Variants in ABI2 observed in about 807,000 individuals in gnomAD.
The protein encoded by ABI2 is abelson interactor 2.
In ABI2, 25 loss-of-function variants were observed where a neutral mutation model predicts 59.2. The ratio of observed to expected loss-of-function variants is 0.42; its 90% CI spans 0.31 to 0.59. ABI2 has a LOEUF of 0.59. Among genes scored for constraint, ABI2 ranks in the 20% least tolerant of loss-of-function variants. ABI2 has a pLI of 0.14. For missense variants in ABI2, 545 were observed against 681.8 expected, an observed-to-expected ratio of 0.80 and a Z score of 2.23; for synonymous variants, 213 against 235.5, an observed-to-expected ratio of 0.90 and a Z score of 0.87.
intron 1 of ABI2, among the ~76,000 whole-genome samples, chr2:203,334,877 T>C (rs62183940): frequency 0.46 from 69,231 of 151,882 alleles, 17,608 homozygotes; most frequent in Middle Eastern, 0.7. Context: ...GCCAGGCTGG[T>C]CTCGAGATCC....
intron 9 of ABI2, among the ~76,000 whole-genome samples, chr2:203,409,199 A>G (rs1270590921): frequency 2.0e-5 from 3 of 152,096 alleles, no homozygotes; most frequent in African/African-American, 7.2e-5. Flanking sequence ...TGAACATATC[A>G]ACAGTTGTTG....
intron 4 of ABI2, among the ~76,000 whole-genome samples, chr2:203,386,207 A>G (rs2153234256): frequency 2.0e-5 from 3 of 152,248 alleles, no homozygotes; most frequent in Middle Eastern, 3.4e-3. Context: ...GACTGACCTC[A>G]CTTTTTTCCC....
intron 2 of ABI2, chr2:203,376,202 A>C: frequency 8.3e-7 from 1 of 1,205,328 alleles, no homozygotes; most frequent in Non-Finnish European, 1.1e-6. Flanking sequence ...TTTGCCCCCA[A>C]GGGGACATTT....
At chr2:203,369,913 ATT>A (rs11325262) in intron 2 of ABI2, among the ~76,000 whole-genome samples, 143 of 150,946 alleles carry the variant, frequency 9.5e-4, no homozygotes, top group Middle Eastern at 3.4e-3. Flanking sequence ...AAGGATTGAA[ATT>A]TTTTTTTTTT....
intron 1 of ABI2, among the ~76,000 whole-genome samples, chr2:203,347,163 G>T (rs4315500): frequency 0.74 from 112,117 of 151,968 alleles, 42,485 homozygotes; most frequent in Middle Eastern, 0.87. Context: ...AACAGGGTAA[G>T]GAGTGATCAT....
At chr2:203,363,046 G>T (rs1394237144) in intron 1 of ABI2, among the ~76,000 whole-genome samples, 2 of 152,034 alleles carry the variant, frequency 1.3e-5, no homozygotes, top group Admixed American at 6.6e-5. Context: ...GGCCAGGCTG[G>T]TCTTGAACTC....
At chr2:203,403,752 T>TTG (rs1490573724) in intron 9 of ABI2, among the ~76,000 whole-genome samples, 1 of 145,478 alleles carries the variant, frequency 6.9e-6, no homozygotes, top group Non-Finnish European at 1.5e-5. Context: ...GTTTTTTTTT[T>TTG]TTTTTTTTTT....
At chr2:203,401,664 T>G (rs1390379355) in intron 8 of ABI2, among the ~76,000 whole-genome samples, 1 of 152,228 alleles carries the variant, frequency 6.6e-6, no homozygotes, top group Non-Finnish European at 1.5e-5. Context: ...ATCTTAATTT[T>G]TTTCATGATT....
At chr2:203,385,053 T>C (rs1160106697) in intron 4 of ABI2, among the ~76,000 whole-genome samples, 1 of 151,674 alleles carries the variant, frequency 6.6e-6, no homozygotes, top group African/African-American at 2.4e-5. Context: ...CAGGTTGGTC[T>C]CAAACTCCTG....
chr2:203,374,853 G>A, intron 2 of ABI2: 1 of 456,332 alleles, frequency 2.2e-6, no homozygotes, highest in South Asian at 1.6e-5. Flanking sequence ...GCTAACTGAG[G>A]TAGTGCTATC....
intron 1 of ABI2, 126 bp from the exon 2 acceptor site, chr2:203,366,750 TG>T: frequency 1.1e-6 from 1 of 882,356 alleles, no homozygotes; most frequent in Non-Finnish European, 1.6e-6. Flanking sequence ...TTTTCAATTC[TG>T]GTGGATTAGT....
In ABI2 at chr2:203,328,465, G is replaced by C; in HGVS notation, c.-50G>C. The C allele has an allele frequency of 6.8e-7, 1 of 1,461,500 alleles. No homozygotes were observed. The highest frequency in any genetic ancestry group is 9.3e-7 in the Non-Finnish European group (1 of 1,070,268). The allele number at this position is 1,461,500 out of a possible 1,614,324, so 90.5% of individuals were successfully genotyped here. On this transcript the variant is annotated 5_prime_UTR_variant, in exon 1 of 12. Transcript: ENST00000261018. The stretch of plus-strand genomic sequence containing the variant: ...CCTGGGTTTCCTTGGCGCTGCGGCC[G>C]CCGCTCCCTCTGCGACCTGTATGAG...
At chr2:203,359,872 A>G (rs143930258) in intron 1 of ABI2, among the ~76,000 whole-genome samples, 3 of 152,176 alleles carry the variant, frequency 2.0e-5, no homozygotes, top group African/African-American at 7.2e-5. Flanking sequence ...AATTCAGACT[A>G]TAGCAATGAA....
At chr2:203,422,043 TAAAGCACTTTAAG>T (rs2098237812) in intron 11 of ABI2, among the ~76,000 whole-genome samples, 1 of 151,372 alleles carries the variant, frequency 6.6e-6, no homozygotes, top group Non-Finnish European at 1.5e-5. Flanking sequence ...TAAAGTGCTG[TAAAGCACTTTAAG>T]AGGCTGAGGC....
intron 6 of ABI2, among the ~76,000 whole-genome samples, 170 bp from the exon 7 acceptor site, chr2:203,395,486 T>A (rs113863012): frequency 5.3e-5 from 6 of 114,100 alleles, no homozygotes; most frequent in African/African-American, 1.8e-4. Flanking sequence ...CACACACACA[T>A]TTTTTTTTAA....
rs756146113 is a variant in ABI2 at position 203,402,748 on chromosome 2, T to G, written c.1192+14T>G. ...GCCAGAATCCAGGTTAGTTTTTTTG[T>G]TTTTTTGCATTCTATAGAATGTATT... On this transcript the variant is annotated intron_variant, in intron 9 of 11. Coordinates refer to ENST00000261018, the MANE Select transcript of ABI2 (RefSeq NM_001375670.1). 3 of 1,548,330 alleles carry G rather than the reference T, an allele frequency of 1.9e-6. No individual in the cohort carries two copies. Among genetic ancestry groups the G allele is most frequent in the Non-Finnish European group, 2.6e-6 (3 of 1,155,248 alleles).
intron 10 of ABI2, among the ~76,000 whole-genome samples, chr2:203,412,756 T>C (rs1366429166): frequency 1.3e-5 from 2 of 152,186 alleles, no homozygotes; most frequent in South Asian, 2.1e-4. Context: ...AGCACATCCA[T>C]AGTGTGATCC....
At chr2:203,388,996 GGT>G (rs2096640160) in intron 4 of ABI2, among the ~76,000 whole-genome samples, 1 of 151,740 alleles carries the variant, frequency 6.6e-6, no homozygotes, top group South Asian at 2.1e-4. Context: ...AGTAACTTTG[GGT>G]TTTATGTTGT....
chr2:203,349,981 C>G (rs1271103135), intron 1 of ABI2, among the ~76,000 whole-genome samples: 2 of 152,116 alleles, frequency 1.3e-5, no homozygotes, highest in African/African-American at 2.4e-5. Context: ...AGCCTGTTTT[C>G]CCAGGTAGTT....
Sources: allele counts gnomAD v4.1 joint callset (sites outside exome capture counted in the v4.1 genomes callset), GRCh38; gene constraint gnomAD v4.1.1; transcripts MANE v1.5; gene names NCBI Gene and HGNC (gene_info 2026-07-23, HGNC 2026-07-21).